The following CHCHD6 variants were observed in gnomAD, a reference collection of about 807,000 sequenced individuals.
CHCHD6 encodes the protein coiled-coil-helix-coiled-coil-helix domain containing 6.
CHCHD6 carries 28 observed loss-of-function variants against 32.3 expected under a neutral mutation model. The observed-to-expected ratio is 0.87, with a 90% CI of 0.64 to 1.19. The LOEUF (loss-of-function observed/expected upper bound fraction) is 1.19, where lower values mean the gene tolerates loss of function less well. Ranked by LOEUF, CHCHD6 falls within the 50% of genes most tolerant of loss-of-function variation. The pLI is 0.00. For synonymous variants in CHCHD6, 122 were observed against 117.5 expected (o/e 1.04, Z -0.25); for missense variants, 333 against 307.0 (o/e 1.08, Z -0.63).
chr3:126,861,505 G>A (rs914671246), intron 5 of CHCHD6, among the ~76,000 whole-genome samples: 2 of 151,466 alleles, frequency 1.3e-5, no homozygotes, highest in Non-Finnish European at 3.0e-5. Context: ...CCCTGCCCCT[G>A]CCACTGCCAC....
intron 4 of CHCHD6, among the ~76,000 whole-genome samples, chr3:126,798,655 T>A (rs1001654255): frequency 1.1e-4 from 17 of 152,170 alleles, no homozygotes; most frequent in African/African-American, 4.1e-4. Context: ...TGTGGGCTCC[T>A]CAAAGCAGCG....
chr3:126,944,384 C>T (rs2078604824), intron 6 of CHCHD6, among the ~76,000 whole-genome samples: 1 of 152,282 alleles, frequency 6.6e-6, no homozygotes, highest in Non-Finnish European at 1.5e-5. Context: ...TATTGATGCT[C>T]TGCCTACCTC....
Position 126,895,225 on chromosome 3 carries a change from C to T in CHCHD6, c.496-19455C>T, listed in dbSNP as rs560862965. Among the ~76,000 whole-genome samples the T allele has an allele frequency of 3.3e-5, 5 of 152,290 alleles. No individual in the cohort carries two copies. The South Asian group carries it at 1.0e-3, about 32-fold the overall frequency. On this transcript the variant is annotated intron_variant, in intron 5 of 7. Transcript: ENST00000290913. ...CCTTCAAATCAATGTGATCTAATTGCCTCATTTTGCTAGAACCCGGAATGG... is the reference window on the plus strand; with the variant it reads ...CCTTCAAATCAATGTGATCTAATTGTCTCATTTTGCTAGAACCCGGAATGG...
At chr3:126,785,363 GT>G (rs1444885939) in intron 4 of CHCHD6, among the ~76,000 whole-genome samples, 1 of 152,208 alleles carries the variant, frequency 6.6e-6, no homozygotes, top group African/African-American at 2.4e-5. Flanking sequence ...CTTTGTGTTA[GT>G]TTTCTATTAC....
intron 6 of CHCHD6, among the ~76,000 whole-genome samples, chr3:126,942,949 C>A (rs953091731): frequency 2.0e-5 from 3 of 152,134 alleles, no homozygotes; most frequent in African/African-American, 7.2e-5. Flanking sequence ...AGTGATACTT[C>A]CAGTTCTAAT....
At chr3:126,742,147 G>A (rs1936313666) in intron 4 of CHCHD6, among the ~76,000 whole-genome samples, 1 of 152,240 alleles carries the variant, frequency 6.6e-6, no homozygotes, top group Non-Finnish European at 1.5e-5. Context: ...CCAAAGGGAT[G>A]GCTGTGGGAT....
intron 6 of CHCHD6, among the ~76,000 whole-genome samples, chr3:126,940,447 CTTA>C (rs2078543356): frequency 2.0e-5 from 3 of 152,154 alleles, no homozygotes; most frequent in Admixed American, 2.0e-4. Context: ...TAACCAATCA[CTTA>C]TTGATGAATC....
At chr3:126,720,748 A>G (rs1172986773) in intron 1 of CHCHD6, among the ~76,000 whole-genome samples, 3 of 152,120 alleles carry the variant, frequency 2.0e-5, no homozygotes, top group African/African-American at 7.2e-5. Flanking sequence ...CTATGGAGAA[A>G]GATGTTCCAC....
At chr3:126,793,942 A>G (rs1938670492) in intron 4 of CHCHD6, among the ~76,000 whole-genome samples, 2 of 152,008 alleles carry the variant, frequency 1.3e-5, no homozygotes, top group African/African-American at 4.8e-5. Context: ...TCTGGCCTCC[A>G]TGGTTTCTGT....
chr3:126,726,937 T>G, intron 1 of CHCHD6, 141 bp from the exon 2 acceptor site: 6 of 628,512 alleles, frequency 9.5e-6, no homozygotes, highest in South Asian at 2.0e-5. Context: ...ACGAGAGGAG[T>G]TTTAGTAGAA....
chr3:126,853,960 A>C (rs1474317719), intron 5 of CHCHD6, among the ~76,000 whole-genome samples: 4 of 152,164 alleles, frequency 2.6e-5, no homozygotes, highest in Admixed American at 2.6e-4. Flanking sequence ...TTATTTGTGC[A>C]ATTCTTTGGT....
chr3:126,863,999 T>TC (rs1942118663), intron 5 of CHCHD6, among the ~76,000 whole-genome samples: 1 of 24,866 alleles, frequency 4.0e-5, no homozygotes, highest in East Asian at 1.3e-3. Context: ...ATCACTACCT[T>TC]CTCCCCCACT....
intron 2 of CHCHD6, among the ~76,000 whole-genome samples, chr3:126,729,808 G>C (rs1274964671): frequency 1.3e-5 from 2 of 152,184 alleles, no homozygotes; most frequent in African/African-American, 2.4e-5. Context: ...CTGGCTGCTG[G>C]TGCATAGAAC....
intron 5 of CHCHD6, among the ~76,000 whole-genome samples, chr3:126,854,132 C>A (rs1427489870): frequency 6.6e-6 from 1 of 152,272 alleles, no homozygotes; most frequent in South Asian, 2.1e-4. Flanking sequence ...CCCTAGTTCT[C>A]CTCCTAGAAA....
chr3:126,763,549 C>T (rs759812152), intron 4 of CHCHD6, among the ~76,000 whole-genome samples: 16 of 151,956 alleles, frequency 1.1e-4, no homozygotes, highest in Non-Finnish European at 2.4e-4. Context: ...TTATGTTGTC[C>T]AGGCTAGTCT....
At chr3:126,801,254 C>T (rs564874647) in intron 4 of CHCHD6, among the ~76,000 whole-genome samples, 8 of 152,318 alleles carry the variant, frequency 5.3e-5, no homozygotes, top group East Asian at 3.9e-4. Context: ...CGAAGCAGGG[C>T]GAGGCATTGC....
intron 6 of CHCHD6, among the ~76,000 whole-genome samples, chr3:126,916,985 C>G (rs80353364): frequency 0.03 from 4,595 of 152,320 alleles, 97 homozygotes; most frequent in Non-Finnish European, 0.039. Flanking sequence ...AACCATAATG[C>G]CTGTCACCTG....
intron 4 of CHCHD6, among the ~76,000 whole-genome samples, chr3:126,796,147 C>T (rs534615921): frequency 5.9e-5 from 9 of 152,128 alleles, no homozygotes; most frequent in Admixed American, 1.3e-4. Flanking sequence ...GAGTTCAAGA[C>T]GAGCCTGGGC....
chr3:126,834,162 A>C (rs1940762728), intron 4 of CHCHD6, among the ~76,000 whole-genome samples: 1 of 152,018 alleles, frequency 6.6e-6, no homozygotes, highest in Non-Finnish European at 1.5e-5. Flanking sequence ...AGTTCAACAT[A>C]TATTTATGCA....
Sources: gnomAD v4.1 joint callset for allele counts (sites outside exome capture counted in the v4.1 genomes callset) on GRCh38, gnomAD v4.1.1 for gene constraint, MANE v1.5 for transcripts, NCBI Gene and HGNC (gene_info 2026-07-23, HGNC 2026-07-21) for gene names.